ATL1: variants seen among roughly 807,000 people sequenced by gnomAD.
The protein encoded by ATL1 is atlastin-1.
In ATL1, 31 loss-of-function variants were observed where a neutral mutation model predicts 75.5. The ratio of observed to expected loss-of-function variants is 0.41; its 90% CI spans 0.31 to 0.55. The LOEUF (loss-of-function observed/expected upper bound fraction) is 0.55. Among genes scored for constraint, ATL1 ranks in the 20% least tolerant of loss-of-function variants. The pLI is 0.27. For synonymous variants in ATL1, 226 were observed against 233.3 expected (o/e 0.97, Z 0.28); for missense variants, 405 against 662.6 (o/e 0.61, Z 4.27).
intron 1 of ATL1, among the ~76,000 whole-genome samples, chr14:50,538,775 ATC>A (rs1308261290): frequency 6.6e-6 from 1 of 152,156 alleles, no homozygotes; most frequent in East Asian, 1.9e-4. Flanking sequence ...ATTCCTCACT[ATC>A]TATTGGTGAT....
intron 9 of ATL1, 64 bp from the exon 10 acceptor site, chr14:50,621,779 T>C (rs2039468790): frequency 9.8e-7 from 1 of 1,018,596 alleles, no homozygotes; most frequent in Non-Finnish European, 1.5e-6. Flanking sequence ...GAATGCAATT[T>C]CATAGAATTA....
chr14:50,630,910 T>C (rs1044220213), intron 13 of ATL1: 5 of 455,258 alleles, frequency 1.1e-5, no homozygotes, highest in Non-Finnish European at 1.8e-5. Context: ...CAATACTATG[T>C]TGCACCAATA....
intron 2 of ATL1, among the ~76,000 whole-genome samples, chr14:50,589,762 G>T (rs115779658): frequency 6.6e-6 from 1 of 152,022 alleles, no homozygotes; most frequent in Admixed American, 6.6e-5. Flanking sequence ...TCTTGATAAC[G>T]GTCTAAAATG....
intron 5 of ATL1, 48 bp from the exon 6 acceptor site, chr14:50,595,518 TTCTCTCTCTC>T (rs3834518): frequency 7.1e-6 from 10 of 1,407,738 alleles, no homozygotes; most frequent in Non-Finnish European, 9.9e-6. Flanking sequence ...GGTGCTAAAG[TTCTCTCTCTC>T]TCTCTCTCTC....
chr14:50,557,074 C>G (rs912328886), upstream of ATL1, among the ~76,000 whole-genome samples: 7 of 152,136 alleles, frequency 4.6e-5, no homozygotes, highest in Admixed American at 3.9e-4. Flanking sequence ...GACTTTTTCC[C>G]AAAGTATCTG....
intron 11 of ATL1, among the ~76,000 whole-genome samples, chr14:50,625,691 C>T (rs140276538): frequency 3.3e-5 from 5 of 152,114 alleles, no homozygotes; most frequent in South Asian, 2.1e-4. Context: ...TTTGGGAGGC[C>T]GAGGTGGGTG....
At chr14:50,608,133 T>G (rs2039332101) in intron 6 of ATL1, among the ~76,000 whole-genome samples, 1 of 152,140 alleles carries the variant, frequency 6.6e-6, no homozygotes. Flanking sequence ...GTTTGTGGCT[T>G]CATATGTTTT....
At chr14:50,551,569 C>G (rs535419983) in intron 1 of ATL1, among the ~76,000 whole-genome samples, 186 of 151,850 alleles carry the variant, frequency 1.2e-3, no homozygotes, top group Non-Finnish European at 1.8e-3. Context: ...AAGGCCATAA[C>G]AAAAAAAGAA....
Position 50,628,254 on chromosome 14 carries a change from C to A in ATL1, c.1343C>A (p.Pro448Gln), listed in dbSNP as rs1366897825. The change falls in exon 12 of 14, where the codon CCA (proline) becomes CAA (glutamine). Residue 448 changes from proline to glutamine, a missense_variant. This residue lies in a region of ATL1 where 163 missense variants were observed against 244.1 expected (regional missense o/e 0.67). Coordinates refer to ENST00000358385, the MANE Select transcript of ATL1 (RefSeq NM_015915.5). ...AATATCTTCCATGCAGCTCGTACCC[C>A]AGCCACACTGTTTGTAGTCATCTTT... ...SKNIFHAART[P>Q]ATLFVVIFIT... is the part of the protein sequence containing the mutation. 6.2e-7 allele frequency: 1 copy of A among 1,614,162 alleles called. No individual in the cohort carries two copies. Among genetic ancestry groups the A allele is most frequent in the African/African-American group, 1.3e-5 (1 of 75,048 alleles).
chr14:50,548,750 TC>T (rs1376037393), intron 1 of ATL1, among the ~76,000 whole-genome samples: 1 of 152,108 alleles, frequency 6.6e-6, no homozygotes, highest in African/African-American at 2.4e-5. Context: ...GACCTTGTGA[TC>T]CGCCTGCCTC....
chr14:50,629,669 T>C (rs538414354), intron 12 of ATL1, among the ~76,000 whole-genome samples: 1 of 151,814 alleles, frequency 6.6e-6, no homozygotes, highest in East Asian at 1.9e-4. Flanking sequence ...GATAAACTAG[T>C]GGTAGCACAA....
At chr14:50,542,309 G>A (rs910944841) in intron 1 of ATL1, among the ~76,000 whole-genome samples, 1 of 151,558 alleles carries the variant, frequency 6.6e-6, no homozygotes, top group African/African-American at 2.4e-5. Context: ...TGGGGGCAAG[G>A]GGAGAGAGAG....
upstream of ATL1, among the ~76,000 whole-genome samples, chr14:50,557,040 G>A (rs1358467970): frequency 6.6e-6 from 1 of 152,068 alleles, no homozygotes; most frequent in Admixed American, 6.5e-5. Context: ...GCAATTCTAT[G>A]TTTAACTTTT....
At chr14:50,607,105 A>T (rs1225750639) in intron 6 of ATL1, among the ~76,000 whole-genome samples, 1 of 152,038 alleles carries the variant, frequency 6.6e-6, no homozygotes, top group Non-Finnish European at 1.5e-5. Flanking sequence ...GTTGAGACAG[A>T]TTCACCTGGA....
In ATL1 at chr14:50,577,735, A is replaced by G. The variant is rs1198527701; in HGVS notation, c.35-10096A>G. On this transcript the variant is annotated intron_variant, in intron 1 of 13. Coordinates refer to ENST00000358385, the MANE Select transcript of ATL1 (RefSeq NM_015915.5). ...TCTATAAATTTGCCTAATTCTATACATTTCTATGTAAATGGAATTATACAA... is the reference window on the plus strand; with the variant it reads ...TCTATAAATTTGCCTAATTCTATACGTTTCTATGTAAATGGAATTATACAA... Among the ~76,000 whole-genome samples the G allele has an allele frequency of 3.3e-5, 5 of 152,148 alleles. 1 individual carries two copies. The highest frequency in any genetic ancestry group is 1.2e-4 in the African/African-American group (5 of 41,414).
At chr14:50,598,809 G>A (rs1367348925) in intron 6 of ATL1, among the ~76,000 whole-genome samples, 1 of 152,144 alleles carries the variant, frequency 6.6e-6, no homozygotes, top group East Asian at 1.9e-4. Context: ...TATATATATG[G>A]GAGCCTGGTA....
intron 4 of ATL1, among the ~76,000 whole-genome samples, chr14:50,592,913 C>CGAA (rs2039174267): frequency 1.2e-5 from 1 of 85,422 alleles, no homozygotes; most frequent in African/African-American, 4.6e-5. Context: ...ACTCCCGTCT[C>CGAA]AAAAAAAAAA....
At chr14:50,551,433 T>A in intron 1 of ATL1, among the ~76,000 whole-genome samples, 1 of 152,150 alleles carries the variant, frequency 6.6e-6, no homozygotes, top group East Asian at 1.9e-4. Flanking sequence ...CACAGCCGAA[T>A]TGTATCAGAC....
At chr14:50,601,452 A>G (rs1433994294) in intron 6 of ATL1, among the ~76,000 whole-genome samples, 2 of 152,126 alleles carry the variant, frequency 1.3e-5, no homozygotes, top group African/African-American at 2.4e-5. Flanking sequence ...CTGGTTGGGG[A>G]GGAGGGAGGA....
Sources: allele counts gnomAD v4.1 joint callset (sites outside exome capture counted in the v4.1 genomes callset), GRCh38; gene constraint gnomAD v4.1.1; regional missense constraint gnomAD v4.1.1; transcripts MANE v1.5; gene names NCBI Gene and HGNC (gene_info 2026-07-23, HGNC 2026-07-21).